Variants in JPT1 observed in about 807,000 individuals in gnomAD.
JPT1 encodes Jupiter microtubule associated homolog 1.
A neutral mutation model predicts 17.0 loss-of-function variants in JPT1; 5 were observed. The observed-to-expected ratio is 0.29, with a 90% CI of 0.15 to 0.62. JPT1 has a LOEUF of 0.62. JPT1 is among the 20% of genes least tolerant of loss of function. JPT1 has a pLI of 0.85. For synonymous variants in JPT1, 71 were observed against 73.6 expected (o/e 0.96, Z 0.18); for missense variants, 158 against 188.1 (o/e 0.84, Z 0.94).
chr17:75,139,918 G>GT (rs2074276614), intron 4 of JPT1, among the ~76,000 whole-genome samples: 1 of 152,104 alleles, frequency 6.6e-6, no homozygotes, highest in Non-Finnish European at 1.5e-5. Flanking sequence ...GGAATTGAGA[G>GT]TAAGTGTTCA....
At chr17:75,142,421 G>A (rs933396448) in intron 4 of JPT1, among the ~76,000 whole-genome samples, 1 of 150,844 alleles carries the variant, frequency 6.6e-6, no homozygotes, top group African/African-American at 2.4e-5. Flanking sequence ...TTAGCCGGGC[G>A]TGGTGGCAGC....
At chr17:75,153,897 G>C (rs546081613) in intron 1 of JPT1, 1 of 152,528 alleles carries the variant, frequency 6.6e-6, no homozygotes, top group African/African-American at 2.4e-5. Flanking sequence ...CCACGGGGGA[G>C]AGACAGGAGC....
chr17:75,137,686 T>C (rs1301602148), intron 4 of JPT1, among the ~76,000 whole-genome samples: 26 of 17,030 alleles, frequency 1.5e-3, no homozygotes, highest in African/African-American at 4.2e-3. Context: ...CTAGTTTTCC[T>C]TTTTTTTTTT....
chr17:75,143,475 C>T (rs1437465015), intron 4 of JPT1, among the ~76,000 whole-genome samples: 1 of 152,118 alleles, frequency 6.6e-6, no homozygotes, highest in East Asian at 1.9e-4. Flanking sequence ...AGGAGAATTG[C>T]TTGAACCCAG....
At position 75,154,479 on chromosome 17, in the gene JPT1, C is replaced by T. The variant is rs550700389; in HGVS notation, c.-82G>A. The T allele has an allele frequency of 2.2e-6, 3 of 1,337,764 alleles. No individual in the cohort carries two copies. Among genetic ancestry groups the T allele is most frequent in the African/African-American group, 1.5e-5 (1 of 67,252 alleles). The allele number at this position is 1,337,764 out of a possible 1,614,324, so 82.9% of individuals were successfully genotyped here. A position where few individuals can be genotyped will look rare whatever the true frequency, so the allele number is the denominator to read the frequency against. On this transcript the variant is annotated 5_prime_UTR_variant, in exon 1 of 5. Transcript: ENST00000409753. ...CGAGGGGCGCTGGGAAACTCCACAC[C>T]CAACAGCCGACCACCGCTGCAGGAG...
intron 4 of JPT1, among the ~76,000 whole-genome samples, chr17:75,137,535 T>A (rs928101682): frequency 4.6e-5 from 7 of 150,956 alleles, no homozygotes; most frequent in African/African-American, 9.7e-5. Context: ...TTTGTTTTTT[T>A]TTTTTTTTTA....
chr17:75,137,540 T>TTA (rs1057002218), intron 4 of JPT1, among the ~76,000 whole-genome samples: 47 of 151,748 alleles, frequency 3.1e-4, no homozygotes, highest in African/African-American at 1.1e-3. Context: ...TTTTTTTTTT[T>TTA]TTTTATTTTT....
chr17:75,142,652 G>A, intron 4 of JPT1: 1 of 318,394 alleles, frequency 3.1e-6, no homozygotes, highest in Non-Finnish European at 5.9e-6. Context: ...AGGGGGGGAT[G>A]GAGGGAAGGG....
At chr17:75,144,768 A>G (rs149435175) in intron 4 of JPT1, among the ~76,000 whole-genome samples, 1 of 152,256 alleles carries the variant, frequency 6.6e-6, no homozygotes, top group Admixed American at 6.5e-5. Context: ...GGGTGTGGAA[A>G]CTGGATTGGA....
At chr17:75,139,262 C>A (rs1269612539) in intron 4 of JPT1, among the ~76,000 whole-genome samples, 1 of 152,182 alleles carries the variant, frequency 6.6e-6, no homozygotes, top group Admixed American at 6.6e-5. Flanking sequence ...ACAGGATCTA[C>A]TGAAGTCTTC....
At position 75,135,857 on chromosome 17, in the gene JPT1, G is replaced by C; in HGVS notation, c.*245C>G. On this transcript the variant is annotated 3_prime_UTR_variant, in exon 5 of 5. Transcript: ENST00000409753. ...CAAATTATTTCTTCTTAAAAACACA[G>C]TACTAAGTGTCACAAAGCTTTCCCT... The C allele has an allele frequency of 1.4e-6, 1 of 725,246 alleles. No individual in the cohort carries two copies. The highest frequency in any genetic ancestry group is 2.2e-6 in the Non-Finnish European group (1 of 446,770). The allele number at this position is 725,246 out of a possible 1,614,324, so 44.9% of individuals were successfully genotyped here. A position where few individuals can be genotyped will look rare whatever the true frequency, so the allele number is the denominator to read the frequency against.
intron 1 of JPT1, 78 bp from the exon 2 acceptor site, chr17:75,148,749 T>C (rs1598205769): frequency 6.5e-7 from 1 of 1,533,950 alleles, no homozygotes; most frequent in Non-Finnish European, 8.9e-7. Flanking sequence ...ACAACTTTCA[T>C]TTCACTTTCC....
At chr17:75,151,646 A>G (rs2145197285) in intron 1 of JPT1, among the ~76,000 whole-genome samples, 1 of 152,072 alleles carries the variant, frequency 6.6e-6, no homozygotes, top group South Asian at 2.1e-4. Context: ...CTGGCAACAC[A>G]GTGAGACTGT....
chr17:75,147,241 TTCAAC>T (rs1444352808), intron 3 of JPT1, among the ~76,000 whole-genome samples: 3 of 151,396 alleles, frequency 2.0e-5, no homozygotes, highest in African/African-American at 7.3e-5. Flanking sequence ...TCTCCTGGAG[TTCAAC>T]GCAAAGCAGT....
At chr17:75,150,111 T>C (rs2074519241) in intron 1 of JPT1, among the ~76,000 whole-genome samples, 1 of 152,302 alleles carries the variant, frequency 6.6e-6, no homozygotes, top group East Asian at 1.9e-4. Flanking sequence ...CTGTTCAACA[T>C]GGTAATATAT....
At chr17:75,151,816 A>G (rs556157641) in intron 1 of JPT1, among the ~76,000 whole-genome samples, 2 of 152,250 alleles carry the variant, frequency 1.3e-5, no homozygotes, top group South Asian at 4.1e-4. Flanking sequence ...CTAAAAATAT[A>G]AAATTAGCCA....
chr17:75,150,407 CACAA>C (rs1397028581), intron 1 of JPT1, among the ~76,000 whole-genome samples: 1 of 152,140 alleles, frequency 6.6e-6, no homozygotes, highest in Non-Finnish European at 1.5e-5. Context: ...TGCCCACCAC[CACAA>C]ACAGCTAATT....
intron 4 of JPT1, among the ~76,000 whole-genome samples, chr17:75,137,154 C>A (rs1249614692): frequency 2.0e-5 from 3 of 152,046 alleles, no homozygotes; most frequent in Non-Finnish European, 4.4e-5. Flanking sequence ...AATTCTCTGA[C>A]AGCAAAAAAA....
At chr17:75,139,516 G>A (rs532350967) in intron 4 of JPT1, among the ~76,000 whole-genome samples, 1 of 152,104 alleles carries the variant, frequency 6.6e-6, no homozygotes, top group East Asian at 1.9e-4. Flanking sequence ...GCAGCAGTAG[G>A]CCTTACTTTA....
Sources: allele counts gnomAD v4.1 joint callset (sites outside exome capture counted in the v4.1 genomes callset), GRCh38; gene constraint gnomAD v4.1.1; transcripts MANE v1.5; gene names NCBI Gene and HGNC (gene_info 2026-07-23, HGNC 2026-07-21).